Variants in RNF175 observed in about 807,000 individuals in gnomAD.
RNF175 encodes ring finger protein 175.
In RNF175, 38 loss-of-function variants were observed where a neutral mutation model predicts 50.0. The observed-to-expected ratio is 0.76, with a 90% CI of 0.59 to 1.00. The LOEUF is 1.00. Ranked by LOEUF, RNF175 falls within the 50% of genes least tolerant of loss-of-function variation. The probability of loss-of-function intolerance (pLI) is 0.00; values close to 1 mark genes in which losing one functional copy is unlikely to be tolerated. For synonymous variants in RNF175, 155 were observed against 146.1 expected (o/e 1.06, Z -0.44); for missense variants, 388 against 409.6 (o/e 0.95, Z 0.46).
chr4:153,738,843 G>T (rs1328863415), intron 3 of RNF175, among the ~76,000 whole-genome samples: 1 of 152,066 alleles, frequency 6.6e-6, no homozygotes, highest in Non-Finnish European at 1.5e-5. Flanking sequence ...TATTTTATGA[G>T]ATTCCATTTT....
chr4:153,756,625 T>C (rs1428991129), intron 1 of RNF175, among the ~76,000 whole-genome samples: 2 of 152,162 alleles, frequency 1.3e-5, no homozygotes, highest in Non-Finnish European at 2.9e-5. Flanking sequence ...ATTCAGCAAA[T>C]ATGGAGTGGT....
In RNF175 at chr4:153,712,506, T is replaced by C; in HGVS notation, c.835A>G (p.Lys279Glu). Residue 279 changes from lysine to glutamate, a missense_variant, in exon 8 of 9, where the codon AAA (lysine) becomes GAA (glutamate). By Grantham distance (56) the Lys-to-Glu change is moderately conservative. Coordinates refer to ENST00000347063, the MANE Select transcript of RNF175 (RefSeq NM_173662.4). ...KKQTCPYCKE[K>E]VDLKRMISNP... ...CTGATCATCCTCTTCAAATCAACTT[T>C]CTCTTTGCAGTAAGGGCAAGTCTGC... 1 of 1,611,378 alleles carries C rather than the reference T, an allele frequency of 6.2e-7. No homozygotes were observed. The highest frequency in any genetic ancestry group is 8.5e-7 in the Non-Finnish European group (1 of 1,177,768).
chr4:153,759,681 T>C, intron 1 of RNF175, 116 bp downstream of exon 1: 1 of 629,204 alleles, frequency 1.6e-6, no homozygotes, highest in South Asian at 2.4e-5. Flanking sequence ...CCAGGGCCGG[T>C]TCTCCCCGGT....
rs928365971 is a variant in RNF175, at chr4:153,712,462, T to A, written c.866+13A>T. ...AAGATAATCTCTTATAACCTTTTTGTTTTAAAGGATATGGATTACTGATCA... is the reference window on the plus strand; with the variant it reads ...AAGATAATCTCTTATAACCTTTTTGATTTAAAGGATATGGATTACTGATCA... On this transcript the variant is annotated intron_variant, in intron 8 of 8. Transcript: ENST00000347063. 2.8e-6 allele frequency: 4 copies of A among 1,424,820 alleles called. No homozygotes were observed. The African/African-American group carries it at 5.6e-5, about 20-fold the overall frequency. The allele number at this position is 1,424,820 out of a possible 1,614,324, so 88.3% of individuals were successfully genotyped here.
At chr4:153,730,876 A>G (rs981844) in intron 3 of RNF175, among the ~76,000 whole-genome samples, 26,751 of 152,206 alleles carry the variant, frequency 0.18, 3,046 homozygotes, top group Non-Finnish European at 0.25. Flanking sequence ...TCTTCCTGTA[A>G]ATCCATAAGT....
chr4:153,742,185 A>T (rs1166184011), intron 3 of RNF175, among the ~76,000 whole-genome samples: 3 of 151,354 alleles, frequency 2.0e-5, no homozygotes, highest in Non-Finnish European at 2.9e-5. Context: ...GAGGCAGGAG[A>T]ATCTCTTGAA....
At chr4:153,734,761 C>T (rs1305593956) in intron 3 of RNF175, among the ~76,000 whole-genome samples, 1 of 147,452 alleles carries the variant, frequency 6.8e-6, no homozygotes, top group Non-Finnish European at 1.5e-5. Context: ...CTGCAAGCTC[C>T]TCCTCCTGGG....
Position 153,759,924 on chromosome 4 carries a change from G to T in RNF175, c.-62C>A. 2.0e-6 allele frequency: 2 copies of T among 1,017,826 alleles called. No homozygotes were observed. Among genetic ancestry groups the T allele is most frequent in the Non-Finnish European group, 2.6e-6 (2 of 774,342 alleles). The allele number at this position is 1,017,826 out of a possible 1,614,324, so 63.0% of individuals were successfully genotyped here. A position where few individuals can be genotyped will look rare whatever the true frequency, so the allele number is the denominator to read the frequency against. ...TGCCGGGGAGGGTCCCGCAGAGTCCGCAGAAGGAGGCGCCGCGGGGCCTCG... is the reference window on the plus strand; with the variant it reads ...TGCCGGGGAGGGTCCCGCAGAGTCCTCAGAAGGAGGCGCCGCGGGGCCTCG... On this transcript the variant is annotated 5_prime_UTR_variant, in exon 1 of 9. Transcript: ENST00000347063.
At chr4:153,715,256 C>T in intron 7 of RNF175, 3 of 468,870 alleles carry the variant, frequency 6.4e-6, no homozygotes, top group Non-Finnish European at 1.2e-5. Flanking sequence ...ATTTCCCCTG[C>T]CAGCACCCTG....
At chr4:153,721,034 G>A (rs1738305211) in intron 5 of RNF175, among the ~76,000 whole-genome samples, 1 of 152,070 alleles carries the variant, frequency 6.6e-6, no homozygotes, top group Non-Finnish European at 1.5e-5. Context: ...CACAAATCAA[G>A]CTCACATCTT....
chr4:153,728,219 C>T lies in RNF175; in HGVS notation c.389G>A (p.Gly130Glu), dbSNP rs377303943. ...ATGGAATACATACCGTGGTGTCCTT[C>T]CTGAGAGGGGTTTTCGGGTAGCTCT... ...LFRATRKPLS[G>E]RTPRLVYKWF... The change falls in exon 4 of 9, where the codon GGA becomes GAA. Residue 130 changes from glycine (G) to glutamate (E), a missense_variant. Gly to Glu is a moderately conservative substitution (Grantham distance 98). Coordinates refer to ENST00000347063, the MANE Select transcript of RNF175 (RefSeq NM_173662.4). 7.1e-5 allele frequency: 114 copies of T among 1,612,980 alleles called. No homozygotes were observed. Among genetic ancestry groups the T allele is most frequent in the Non-Finnish European group, 9.2e-5 (108 of 1,179,358 alleles).
At chr4:153,733,829 C>G (rs1242858697) in intron 3 of RNF175, among the ~76,000 whole-genome samples, 3 of 152,190 alleles carry the variant, frequency 2.0e-5, no homozygotes, top group African/African-American at 7.2e-5. Context: ...CAATATTACA[C>G]AAATTAATTT....
chr4:153,742,941 T>C lies in RNF175; in HGVS notation c.246+5704A>G, dbSNP rs1012273701. 4.6e-5 allele frequency among the ~76,000 whole-genome samples: 7 copies of C among 152,106 alleles called. No homozygotes were observed. The East Asian group carries it at 7.7e-4, about 17-fold the overall frequency. ...CCCTTGTAGAAAAGAGCCAGCAATG[T>C]TGTGAATCTTATAAACATGTTCAAA... On this transcript the variant is annotated intron_variant, in intron 3 of 8. Transcript: ENST00000347063.
intron 4 of RNF175, among the ~76,000 whole-genome samples, chr4:153,724,159 G>A (rs562079674): frequency 6.6e-6 from 1 of 152,306 alleles, no homozygotes; most frequent in African/African-American, 2.4e-5. Context: ...AGGATGGAGG[G>A]CGAGTGGAGA....
chr4:153,734,452 C>CT (rs1296428292), intron 3 of RNF175, among the ~76,000 whole-genome samples: 2 of 151,996 alleles, frequency 1.3e-5, no homozygotes, highest in Non-Finnish European at 2.9e-5. Flanking sequence ...TGATGAGCTC[C>CT]TTTTCATATG....
chr4:153,750,192 TAA>T (rs900334044), intron 2 of RNF175, among the ~76,000 whole-genome samples: 5 of 152,192 alleles, frequency 3.3e-5, no homozygotes, highest in African/African-American at 1.2e-4. Flanking sequence ...CAAAATCTCT[TAA>T]GTTTCCACTT....
At chr4:153,733,456 T>G (rs888461934) in intron 3 of RNF175, among the ~76,000 whole-genome samples, 4 of 152,236 alleles carry the variant, frequency 2.6e-5, no homozygotes, top group African/African-American at 9.6e-5. Flanking sequence ...TTTACTTAAT[T>G]GTTCAATTCC....
intron 5 of RNF175, among the ~76,000 whole-genome samples, chr4:153,722,658 C>G (rs540333793): frequency 6.6e-6 from 1 of 152,046 alleles, no homozygotes; most frequent in East Asian, 1.9e-4. Context: ...ATCCCCAACA[C>G]AAGGCATTTC....
Position 153,754,010 on chromosome 4 carries a change from A to G in RNF175, c.67-2535T>C, listed in dbSNP as rs368179290. Among the ~76,000 whole-genome samples the G allele has an allele frequency of 9.3e-4, 141 of 151,586 alleles. 2 individuals carry two copies. The highest frequency in any genetic ancestry group is 3.3e-3 in the African/African-American group (135 of 41,442). On this transcript the variant is annotated intron_variant, in intron 1 of 8. Transcript: ENST00000347063. The stretch of plus-strand genomic sequence containing the variant: ...ATGGTGAAATCCCGTCTCTACTAAA[A>G]ATACAAAAAATTAGCCTGGCGTGGT...
Sources: gnomAD v4.1 joint callset for allele counts (sites outside exome capture counted in the v4.1 genomes callset) on GRCh38, gnomAD v4.1.1 for gene constraint, MANE v1.5 for transcripts, NCBI Gene and HGNC (gene_info 2026-07-23, HGNC 2026-07-21) for gene names.